NEGR1: variants seen among roughly 807,000 people sequenced by gnomAD.
The protein encoded by NEGR1 is IgLON family member 4.
NEGR1 carries 10 observed loss-of-function variants against 40.9 expected under a neutral mutation model. The observed-to-expected ratio is 0.24, with a 90% CI of 0.15 to 0.42. The LOEUF (loss-of-function observed/expected upper bound fraction) is 0.42. Ranked by LOEUF, NEGR1 falls within the 10% of genes least tolerant of loss-of-function variation. The pLI is 1.00. For missense variants in NEGR1, 352 were observed against 438.9 expected (o/e 0.80, Z 1.77); for synonymous variants, 185 against 166.8 (o/e 1.11, Z -0.84).
At chr1:71,834,494 T>C (rs1191976571) in intron 2 of NEGR1, among the ~76,000 whole-genome samples, 1 of 150,938 alleles carries the variant, frequency 6.6e-6, no homozygotes, top group Admixed American at 6.6e-5. Flanking sequence ...CCTCAATGGT[T>C]GAGCTGGGAC....
chr1:71,498,201 A>G (rs576116631), intron 6 of NEGR1, among the ~76,000 whole-genome samples: 1 of 151,294 alleles, frequency 6.6e-6, no homozygotes, highest in African/African-American at 2.4e-5. Flanking sequence ...TGCTGCATGT[A>G]TTCAGATTAA....
chr1:72,182,589 C>T (rs143813006), intron 1 of NEGR1, among the ~76,000 whole-genome samples: 10 of 151,996 alleles, frequency 6.6e-5, no homozygotes, highest in Admixed American at 5.9e-4. Flanking sequence ...AATGAAGCAA[C>T]TTCCCAAGGA....
intron 1 of NEGR1, among the ~76,000 whole-genome samples, chr1:72,125,128 T>C (rs909815583): frequency 3.3e-5 from 5 of 152,106 alleles, no homozygotes; most frequent in African/African-American, 1.2e-4. Context: ...TTAAAAATTT[T>C]ATGAAAATGG....
intron 1 of NEGR1, among the ~76,000 whole-genome samples, chr1:72,052,401 A>G (rs1367798459): frequency 6.6e-6 from 1 of 151,474 alleles, no homozygotes; most frequent in Non-Finnish European, 1.5e-5. Flanking sequence ...AATTGCTCAC[A>G]TGAATTTAAA....
intron 1 of NEGR1, among the ~76,000 whole-genome samples, chr1:72,211,842 T>A (rs1315377160): frequency 6.6e-6 from 1 of 151,790 alleles, no homozygotes; most frequent in Non-Finnish European, 1.5e-5. Flanking sequence ...TATAAAACAG[T>A]CACTCTAGGA....
At chr1:71,523,796 G>A (rs2101433999) in intron 6 of NEGR1, among the ~76,000 whole-genome samples, 1 of 151,986 alleles carries the variant, frequency 6.6e-6, no homozygotes, top group African/African-American at 2.4e-5. Context: ...ATATTTGCAA[G>A]CATGCATCAG....
intron 6 of NEGR1, chr1:71,477,280 A>C (rs1239897266): frequency 1.3e-5 from 2 of 152,132 alleles, no homozygotes; most frequent in East Asian, 3.9e-4. Flanking sequence ...TTTCACTGGA[A>C]ATCCACCTTT....
At chr1:71,825,363 G>A (rs1281782271) in intron 2 of NEGR1, among the ~76,000 whole-genome samples, 4 of 151,984 alleles carry the variant, frequency 2.6e-5, no homozygotes, top group South Asian at 4.1e-4. Flanking sequence ...ACTCATCTGT[G>A]TAGTTTTTAA....
intron 1 of NEGR1, among the ~76,000 whole-genome samples, chr1:72,203,022 C>A (rs1389001380): frequency 6.6e-6 from 1 of 151,950 alleles, no homozygotes; most frequent in Non-Finnish European, 1.5e-5. Flanking sequence ...CTTAGTCACC[C>A]CAGAGTTCTG....
chr1:72,003,494 C>A (rs1646575954), intron 1 of NEGR1, among the ~76,000 whole-genome samples: 1 of 151,734 alleles, frequency 6.6e-6, no homozygotes, highest in Non-Finnish European at 1.5e-5. Flanking sequence ...AAATTAAAGA[C>A]ATTAACAAAA....
intron 1 of NEGR1, among the ~76,000 whole-genome samples, chr1:72,201,378 A>G (rs1181706962): frequency 6.6e-6 from 1 of 151,572 alleles, no homozygotes; most frequent in African/African-American, 2.4e-5. Flanking sequence ...GATACAAAAT[A>G]TCAGTATTTT....
At chr1:71,738,465 C>T (rs1175072285) in intron 3 of NEGR1, 2 of 156,152 alleles carry the variant, frequency 1.3e-5, no homozygotes, top group African/African-American at 4.8e-5. Context: ...GAGACAGGCT[C>T]TGGTAAATGT....
chr1:72,103,601 T>A (rs1384488425), intron 1 of NEGR1, among the ~76,000 whole-genome samples: 2 of 152,134 alleles, frequency 1.3e-5, no homozygotes, highest in Non-Finnish European at 2.9e-5. Flanking sequence ...ACTAAGGATC[T>A]GGATTTAATT....
intron 3 of NEGR1, among the ~76,000 whole-genome samples, chr1:71,715,484 C>G (rs902406449): frequency 6.6e-6 from 1 of 152,214 alleles, no homozygotes; most frequent in Non-Finnish European, 1.5e-5. Context: ...CTTTTATGCT[C>G]TGCTTCCCTT....
intron 1 of NEGR1, among the ~76,000 whole-genome samples, chr1:72,244,071 ATTAT>A (rs2100518819): frequency 6.6e-6 from 1 of 151,824 alleles, no homozygotes; most frequent in Admixed American, 6.6e-5. Flanking sequence ...ATTCTGCCTC[ATTAT>A]TTATTTATTT....
At chr1:72,093,890 G>C (rs950185459) in intron 1 of NEGR1, among the ~76,000 whole-genome samples, 4 of 152,136 alleles carry the variant, frequency 2.6e-5, no homozygotes, top group Admixed American at 2.6e-4. Flanking sequence ...TGAACGTCTA[G>C]CTTCAAAACA....
intron 6 of NEGR1, among the ~76,000 whole-genome samples, chr1:71,532,621 G>A (rs1557557510): frequency 6.6e-6 from 1 of 151,532 alleles, no homozygotes; most frequent in Non-Finnish European, 1.5e-5. Flanking sequence ...ATTCTACAAC[G>A]TGACACATAT....
chr1:71,456,858 T>G (rs1020953760), intron 6 of NEGR1, among the ~76,000 whole-genome samples: 4 of 152,208 alleles, frequency 2.6e-5, no homozygotes, highest in Non-Finnish European at 5.9e-5. Flanking sequence ...TTTAAAAATG[T>G]TTTTATTCTG....
At chr1:71,426,357 T>C (rs1646428412) in intron 6 of NEGR1, among the ~76,000 whole-genome samples, 1 of 152,176 alleles carries the variant, frequency 6.6e-6, no homozygotes, top group Admixed American at 6.5e-5. Flanking sequence ...GAGAAAAGAA[T>C]AAATGTAGAA....
Sources: gnomAD v4.1 joint callset for allele counts (sites outside exome capture counted in the v4.1 genomes callset) on GRCh38, gnomAD v4.1.1 for gene constraint, MANE v1.5 for transcripts, NCBI Gene and HGNC (gene_info 2026-07-23, HGNC 2026-07-21) for gene names.